MTAP: variants seen among roughly 807,000 people sequenced by gnomAD.
MTAP encodes methylthioadenosine phosphorylase.
MTAP carries 33 observed loss-of-function variants against 33.6 expected under a neutral mutation model. The ratio of observed to expected loss-of-function variants is 0.98; its 90% CI spans 0.74 to 1.31. The LOEUF is 1.31. MTAP is among the 40% of genes most tolerant of loss of function. The pLI, the probability that MTAP is intolerant of heterozygous loss-of-function variation, is 0.00. For missense variants in MTAP, 367 were observed against 360.0 expected (o/e 1.02, Z -0.16); for synonymous variants, 148 against 125.7 (o/e 1.18, Z -1.19).
chr9:21,939,360 C>T (rs1356790534), downstream of MTAP, among the ~76,000 whole-genome samples: 1 of 152,134 alleles, frequency 6.6e-6, no homozygotes, highest in East Asian at 1.9e-4. Flanking sequence ...ATTGCTGTTT[C>T]TTTAATGTCT....
chr9:21,823,840 G>A (rs989943712), intron 4 of MTAP, among the ~76,000 whole-genome samples: 10 of 151,148 alleles, frequency 6.6e-5, no homozygotes, highest in South Asian at 2.1e-4. Context: ...TAAACTTCTC[G>A]CTTCATTTCA....
chr9:21,935,442 G>C (rs1819026542), downstream of MTAP: 1 of 151,714 alleles, frequency 6.6e-6, no homozygotes, highest in South Asian at 2.1e-4. Flanking sequence ...TTAAAGAAGG[G>C]GCAGTTCTTT....
At position 21,865,005 on chromosome 9, in the gene MTAP, A is replaced by G. The variant is rs769540853; in HGVS notation, c.*2991A>G. The G allele has an allele frequency of 7.7e-5, 76 of 985,358 alleles. No individual in the cohort carries two copies. The highest frequency in any genetic ancestry group is 8.8e-5 in the Non-Finnish European group (73 of 829,956). 61.0% of individuals were successfully genotyped at this position (985,358 alleles called of 1,614,324 possible). ...AGTGAAACAATTTGATAAGGTTTCA[A>G]GGAGTATCTGATGGGTTAGGAAGTC... On this transcript the variant is annotated 3_prime_UTR_variant, in exon 8 of 8. Coordinates refer to ENST00000644715, the MANE Select transcript of MTAP (RefSeq NM_002451.4).
intron 4 of MTAP, among the ~76,000 whole-genome samples, chr9:21,822,963 T>C (rs1824684785): frequency 6.6e-6 from 1 of 152,220 alleles, no homozygotes; most frequent in Admixed American, 6.5e-5. Flanking sequence ...CTGCCTTTTT[T>C]TGTTTTCCAT....
intron 1 of MTAP, among the ~76,000 whole-genome samples, chr9:21,811,388 T>A (rs916052638): frequency 6.6e-6 from 1 of 152,248 alleles, no homozygotes; most frequent in African/African-American, 2.4e-5. Context: ...GGTATTTGGA[T>A]AAATGCTTTC....
chr9:21,849,951 G>A (rs1186483540), intron 5 of MTAP, among the ~76,000 whole-genome samples: 2 of 152,260 alleles, frequency 1.3e-5, no homozygotes, highest in Non-Finnish European at 2.9e-5. Flanking sequence ...ACCACCAGAA[G>A]CAATTTGCCT....
intron 1 of MTAP, among the ~76,000 whole-genome samples, chr9:21,884,821 A>C (rs1037486113): frequency 6.6e-6 from 1 of 152,154 alleles, no homozygotes; most frequent in Non-Finnish European, 1.5e-5. Flanking sequence ...GACAGAAACC[A>C]TGTAGTCTAT....
intron 4 of MTAP, among the ~76,000 whole-genome samples, chr9:21,832,692 G>T (rs905902279): frequency 6.6e-6 from 1 of 152,130 alleles, no homozygotes; most frequent in African/African-American, 2.4e-5. Flanking sequence ...TAACCTAGTT[G>T]TGTTATTAAC....
intron 1 of MTAP, among the ~76,000 whole-genome samples, chr9:21,882,998 C>A (rs998913369): frequency 6.6e-6 from 1 of 151,036 alleles, no homozygotes; most frequent in Non-Finnish European, 1.5e-5. Flanking sequence ...AGAAGTGAGG[C>A]CCCTAACTCA....
At chr9:21,817,935 G>C in intron 3 of MTAP, 100 bp from the exon 4 acceptor site, 2 of 1,159,448 alleles carry the variant, frequency 1.7e-6, no homozygotes, top group Non-Finnish European at 2.4e-6. Context: ...GTTAGTCTGT[G>C]GTCATTGCTA....
intron 4 of MTAP, among the ~76,000 whole-genome samples, chr9:21,830,305 C>G (rs1174581532): frequency 6.6e-6 from 1 of 152,150 alleles, no homozygotes; most frequent in East Asian, 1.9e-4. Flanking sequence ...TCTTCCCAAA[C>G]CAAAAATTAA....
intron 1 of MTAP, among the ~76,000 whole-genome samples, chr9:21,884,183 A>G (rs901683654): frequency 2.6e-5 from 4 of 152,104 alleles, no homozygotes; most frequent in African/African-American, 9.7e-5. Flanking sequence ...GTACATTTAG[A>G]GCTGAAAAGT....
chr9:21,840,064 A>G lies in MTAP; in HGVS notation c.450+2054A>G, dbSNP rs10965156. Among the ~76,000 whole-genome samples the G allele has an allele frequency of 3.8e-3, 578 of 152,194 alleles. 4 individuals are homozygous for G. The highest frequency in any genetic ancestry group is 0.012 in the African/African-American group (484 of 41,522). The stretch of plus-strand genomic sequence containing the variant: ...ACATGGTGAAACCCTGTCTCTACTA[A>G]AAATACGAAAAGTTAGCCAGGCATG... On this transcript the variant is annotated intron_variant, in intron 5 of 7. Transcript: ENST00000644715.
Position 21,864,124 on chromosome 9 carries a change from C to T in MTAP, c.*2110C>T. ...GTATGGGCATTTTTCTTGCTATGTT[C>T]AGAAAGTACAGTTCTCTCCAACTTG... On this transcript the variant is annotated 3_prime_UTR_variant, in exon 8 of 8. Coordinates refer to ENST00000644715, the MANE Select transcript of MTAP (RefSeq NM_002451.4). The T allele has an allele frequency of 2.0e-6, 2 of 985,378 alleles. No individual in the cohort carries two copies. Among genetic ancestry groups the T allele is most frequent in the Non-Finnish European group, 2.4e-6 (2 of 829,924 alleles). 61.0% of individuals were successfully genotyped at this position (985,378 alleles called of 1,614,324 possible).
Position 21,929,162 on chromosome 9 carries a change from G to A in MTAP, c.148-1846G>A, listed in dbSNP as rs551221884. On this transcript the variant is annotated intron_variant, in intron 1 of 1. Transcript: ENST00000577563. ...ATAGCCAGCTGGATACATCATGCCTGGGTGAAGTCATGGAAAGGCCATGCA... is the reference window on the plus strand; with the variant it reads ...ATAGCCAGCTGGATACATCATGCCTAGGTGAAGTCATGGAAAGGCCATGCA... 2.6e-5 allele frequency among the ~76,000 whole-genome samples: 4 copies of A among 152,150 alleles called. No homozygotes were observed. The South Asian group carries it at 8.3e-4, about 32-fold the overall frequency.
At chr9:21,930,911 C>A in intron 1 of MTAP, 1 of 641,360 alleles carries the variant, frequency 1.6e-6, no homozygotes, top group Admixed American at 2.4e-5. Context: ...GGGTTCTTCC[C>A]TTTTTAGGCC....
chr9:21,926,366 T>C (rs1468746694), intron 1 of MTAP, among the ~76,000 whole-genome samples: 1 of 152,120 alleles, frequency 6.6e-6, no homozygotes, highest in Non-Finnish European at 1.5e-5. Context: ...CAATGGACAA[T>C]ATAGGCTAGT....
Position 21,852,359 on chromosome 9 carries a change from G to T in MTAP, c.451-2272G>T, listed in dbSNP as rs774095391. 8.6e-4 allele frequency among the ~76,000 whole-genome samples: 131 copies of T among 152,030 alleles called. 1 individual carries two copies. The highest frequency in any genetic ancestry group is 6.2e-4 in the South Asian group (3 of 4,806). On this transcript the variant is annotated intron_variant, in intron 5 of 7. Transcript: ENST00000644715. Reference sequence around the variant, plus strand: ...GGTCTCTACTAAAATACAAAGAAAAGAATTAGCTGGCCGTGGTGGCGGGTG... The same window carrying T: ...GGTCTCTACTAAAATACAAAGAAAATAATTAGCTGGCCGTGGTGGCGGGTG...
chr9:21,818,005 G>A lies in MTAP; in HGVS notation c.180-30G>A, dbSNP rs368960814. On this transcript the variant is annotated intron_variant, in intron 3 of 7. Transcript: ENST00000644715. The stretch of plus-strand genomic sequence containing the variant: ...AAACAGTTGGTGGTGTACTCATCAC[G>A]GGTTAACAATTTCTTCTCTCCTTCC... 39 of 1,594,170 alleles carry A rather than the reference G, an allele frequency of 2.4e-5. No individual in the cohort carries two copies. In the East Asian group the frequency reaches 3.2e-4, roughly 13 times the overall value.
Sources: allele counts gnomAD v4.1 joint callset (sites outside exome capture counted in the v4.1 genomes callset), GRCh38; gene constraint gnomAD v4.1.1; transcripts MANE v1.5; gene names NCBI Gene and HGNC (gene_info 2026-07-23, HGNC 2026-07-21).